The following DMXL1 variants were observed in gnomAD, a reference collection of about 807,000 sequenced individuals.
DMXL1 encodes the protein dmX-like protein 1.
In DMXL1, 99 loss-of-function variants were observed where a neutral mutation model predicts 319.2. The observed-to-expected ratio is 0.31, with a 90% CI of 0.26 to 0.37. The LOEUF is 0.37. DMXL1 is among the 10% of genes least tolerant of loss of function. DMXL1 has a pLI of 1.00. For synonymous variants in DMXL1, 1,385 were observed against 1,235.2 expected, an observed-to-expected ratio of 1.12 and a Z score of -2.54; for missense variants, 3,745 against 3,595.6, an observed-to-expected ratio of 1.04 and a Z score of -1.06.
At chr5:119,084,901 G>A (rs1162883885) in intron 1 of DMXL1, among the ~76,000 whole-genome samples, 3 of 150,354 alleles carry the variant, frequency 2.0e-5, no homozygotes, top group Non-Finnish European at 4.4e-5. Flanking sequence ...ATTGTCTTCT[G>A]TGTGGTCATT....
chr5:119,184,117 G>C (rs1581202021), intron 28 of DMXL1, among the ~76,000 whole-genome samples: 1 of 150,360 alleles, frequency 6.7e-6, no homozygotes, highest in East Asian at 1.9e-4. Context: ...GCAGTGGTGT[G>C]ATCACAGCTC....
intron 19 of DMXL1, among the ~76,000 whole-genome samples, chr5:119,162,495 T>C (rs1772489107): frequency 6.6e-6 from 1 of 152,224 alleles, no homozygotes; most frequent in African/African-American, 2.4e-5. Flanking sequence ...ACCTTCTTGC[T>C]ACATCCTTAA....
At chr5:119,182,893 T>C (rs879667238) in intron 28 of DMXL1, among the ~76,000 whole-genome samples, 3 of 152,182 alleles carry the variant, frequency 2.0e-5, no homozygotes, top group Non-Finnish European at 1.5e-5. Flanking sequence ...AATTACTTTT[T>C]CTGCTAACAG....
rs145899724 is a variant in DMXL1, at chr5:119,108,420, A to G, written c.365-1731A>G. On this transcript the variant is annotated intron_variant, in intron 4 of 43. Transcript: ENST00000539542. ...ATTTATTTGGTGTCAAATCTTGACA[A>G]TTCTTTTTTTCATTTTTTCTTGAGA... is the stretch of plus-strand genomic sequence containing the variant. 3.0e-3 allele frequency among the ~76,000 whole-genome samples: 463 copies of G among 151,974 alleles called. 2 individuals carry two copies. Among genetic ancestry groups the G allele is most frequent in the African/African-American group, 0.011 (442 of 41,450 alleles).
At position 119,237,432 on chromosome 5, in the gene DMXL1, A is replaced by G; in HGVS notation, c.8559+18A>G. 3 of 1,482,152 alleles carry G rather than the reference A, an allele frequency of 2.0e-6. No individual in the cohort carries two copies. The allele number at this position is 1,482,152 out of a possible 1,614,324, so 91.8% of individuals were successfully genotyped here. A position where few individuals can be genotyped will look rare whatever the true frequency, so the allele number is the denominator to read the frequency against. On this transcript the variant is annotated intron_variant, in intron 40 of 43. Transcript: ENST00000539542. ...CATACCTGGTAAGCCAAGAATTTCT[A>G]CCTTTAAATAAAATTTGAATTTTCA...
At chr5:119,196,508 C>T (rs998582354) in intron 31 of DMXL1, 52 bp downstream of exon 31, 10 of 1,003,198 alleles carry the variant, frequency 1.0e-5, no homozygotes, top group African/African-American at 1.7e-5. Context: ...TGACTTACTA[C>T]TCTGTTGTTT....
At chr5:119,173,462 A>G (rs1040720298) in intron 25 of DMXL1, among the ~76,000 whole-genome samples, 2 of 151,500 alleles carry the variant, frequency 1.3e-5, no homozygotes, top group African/African-American at 2.4e-5. Flanking sequence ...GGCCAGCTAT[A>G]CTAATGTCTG....
Position 119,121,156 on chromosome 5 carries a change from C to T in DMXL1, c.1102+17C>T, listed in dbSNP as rs769372230. 3 of 1,562,952 alleles carry T rather than the reference C, an allele frequency of 1.9e-6. No homozygotes were observed. The highest frequency in any genetic ancestry group is 2.6e-6 in the Non-Finnish European group (3 of 1,157,890). On this transcript the variant is annotated intron_variant, in intron 9 of 43. Transcript: ENST00000539542. ...CAGCCACAGGTAATGAAACATTGTT[C>T]AAAACATGTTTCTGAAATTGAATAG...
chr5:119,099,474 G>A lies in DMXL1; in HGVS notation c.213+1370G>A, dbSNP rs192294521. Among the ~76,000 whole-genome samples, 409 of 152,240 alleles carry A rather than the reference G, an allele frequency of 2.7e-3. 1 individual carries two copies. The highest frequency in any genetic ancestry group is 3.6e-3 in the Non-Finnish European group (243 of 68,024). On this transcript the variant is annotated intron_variant, in intron 2 of 43. Coordinates refer to ENST00000539542, the MANE Select transcript of DMXL1 (RefSeq NM_001290321.3). ...TTTGCCCTCCTTGGCCTCCCAAAGT[G>A]CTGGGATTACGTGAGCCACTGCGCC...
At position 119,152,881 on chromosome 5, in the gene DMXL1, CT is replaced by C. The variant is rs1217865264; in HGVS notation, c.4702+846del. Among the ~76,000 whole-genome samples, 3 of 152,184 alleles carry C rather than the reference CT, an allele frequency of 2.0e-5. No homozygotes were observed. In the East Asian group the frequency reaches 5.8e-4, roughly 29 times the overall value. On this transcript the variant is annotated intron_variant, in intron 19 of 43. Transcript: ENST00000539542. ...AGTCTCTTGCTCGTACCTTATGTCT[CT>C]GTCTCTTTGTTTCTCTCACTATTTT...
intron 21 of DMXL1, among the ~76,000 whole-genome samples, chr5:119,165,856 A>G (rs1475832046): frequency 6.6e-6 from 1 of 152,228 alleles, no homozygotes; most frequent in African/African-American, 2.4e-5. Context: ...CTCCCACAGC[A>G]CTTGGGAATT....
At chr5:119,182,973 T>C (rs907890487) in intron 28 of DMXL1, among the ~76,000 whole-genome samples, 1 of 152,300 alleles carries the variant, frequency 6.6e-6, no homozygotes, top group South Asian at 2.1e-4. Flanking sequence ...ATTGTTATTG[T>C]GTTTTGTGAT....
intron 32 of DMXL1, among the ~76,000 whole-genome samples, chr5:119,202,320 C>T (rs576419654): frequency 6.6e-6 from 1 of 152,268 alleles, no homozygotes; most frequent in East Asian, 1.9e-4. Flanking sequence ...AAACTATGGC[C>T]ATCCCCACAG....
chr5:119,082,314 C>CCCAT (rs1752431319), intron 1 of DMXL1, among the ~76,000 whole-genome samples: 1 of 151,486 alleles, frequency 6.6e-6, no homozygotes, highest in Admixed American at 6.6e-5. Flanking sequence ...CACTCTGTTG[C>CCCAT]CCAGGTTGGA....
At chr5:119,098,813 C>A (rs1258189490) in intron 2 of DMXL1, among the ~76,000 whole-genome samples, 4 of 152,134 alleles carry the variant, frequency 2.6e-5, no homozygotes, top group African/African-American at 9.7e-5. Context: ...ATAGTTGTAG[C>A]TAGACTGGAC....
At chr5:119,183,856 G>A (rs1777213245) in intron 28 of DMXL1, among the ~76,000 whole-genome samples, 1 of 152,130 alleles carries the variant, frequency 6.6e-6, no homozygotes, top group South Asian at 2.1e-4. Context: ...TTACAAATGA[G>A]TCAGGAAGGC....
intron 10 of DMXL1, among the ~76,000 whole-genome samples, chr5:119,131,276 G>C (rs1764832938): frequency 6.6e-6 from 1 of 151,978 alleles, no homozygotes; most frequent in Non-Finnish European, 1.5e-5. Context: ...CCAGGAATTG[G>C]GGGAGGGTGA....
chr5:119,162,357 T>A (rs1772457799), intron 19 of DMXL1, among the ~76,000 whole-genome samples: 1 of 152,198 alleles, frequency 6.6e-6, no homozygotes, highest in African/African-American at 2.4e-5. Flanking sequence ...ATAACAAATA[T>A]CTTAGACTGG....
At position 119,148,905 on chromosome 5, in the gene DMXL1, G is replaced by T. The variant is rs1225540395; in HGVS notation, c.3078G>T (p.Trp1026Cys). The change falls in exon 18 of 44, where the codon TGG (tryptophan) becomes TGT (cysteine). Residue 1026 changes from tryptophan (W) to cysteine (C), a missense_variant. Trp to Cys is a radical substitution (Grantham distance 215). This residue lies in a region of DMXL1 where 2,096 missense variants were observed against 1,985.4 expected (regional missense o/e 1.06). Coordinates refer to ENST00000539542, the MANE Select transcript of DMXL1 (RefSeq NM_001290321.3). ...KIDLAYIWEE[W>C]PLLIEDGLQS... ...ATCTTGCATACATTTGGGAAGAATG[G>T]CCATTACTTATTGAAGATGGACTTC... 6.2e-7 allele frequency: 1 copy of T among 1,613,802 alleles called. No individual in the cohort carries two copies. The highest frequency in any genetic ancestry group is 8.5e-7 in the Non-Finnish European group (1 of 1,179,804).
Sources: gnomAD v4.1 joint callset for allele counts (sites outside exome capture counted in the v4.1 genomes callset) on GRCh38, gnomAD v4.1.1 for gene constraint, gnomAD v4.1.1 regional missense constraint, MANE v1.5 for transcripts, NCBI Gene and HGNC (gene_info 2026-07-23, HGNC 2026-07-21) for gene names.